Variants in EEA1 observed in about 807,000 individuals in gnomAD.
The protein encoded by EEA1 is early endosome antigen 1, 162kD.
In EEA1, 111 loss-of-function variants were observed where a neutral mutation model predicts 209.2. That is an observed-to-expected ratio of 0.53 (90% CI 0.45 to 0.62). The LOEUF (loss-of-function observed/expected upper bound fraction) is 0.62, where lower values mean the gene tolerates loss of function less well. EEA1 is among the 20% of genes least tolerant of loss of function. The pLI, the probability that EEA1 is intolerant of heterozygous loss-of-function variation, is 0.00. For missense variants in EEA1, 1,343 were observed against 1,530.8 expected, an observed-to-expected ratio of 0.88 and a Z score of 2.05; for synonymous variants, 536 against 540.6, an observed-to-expected ratio of 0.99 and a Z score of 0.12.
chr12:92,871,866 C>T (rs1034437304), intron 2 of EEA1, among the ~76,000 whole-genome samples: 5 of 152,094 alleles, frequency 3.3e-5, no homozygotes, highest in African/African-American at 1.2e-4. Context: ...GACCTATTAT[C>T]GGCAAGTTAG....
At position 92,825,419 on chromosome 12, in the gene EEA1, A is replaced by C. The variant is rs558678500; in HGVS notation, c.1524+747T>G. Among the ~76,000 whole-genome samples the C allele has an allele frequency of 1.6e-4, 24 of 151,380 alleles. 1 individual carries two copies. The South Asian group carries it at 4.8e-3, about 30-fold the overall frequency. On this transcript the variant is annotated intron_variant, in intron 13 of 28. Coordinates refer to ENST00000322349, the MANE Select transcript of EEA1 (RefSeq NM_003566.4). ...CAGTGAGCCGAGATAGCGCCACTGC[A>C]CTCCAGCTCCAGCCTGGGCGAAAGA...
intron 13 of EEA1, among the ~76,000 whole-genome samples, chr12:92,820,219 C>CT (rs1307835496): frequency 1.3e-5 from 2 of 152,132 alleles, no homozygotes; most frequent in African/African-American, 4.8e-5. Context: ...TGATTCCACT[C>CT]TAAATCACAT....
intron 1 of EEA1, among the ~76,000 whole-genome samples, chr12:92,924,772 G>A (rs556631542): frequency 3.0e-5 from 4 of 132,114 alleles, no homozygotes; most frequent in East Asian, 2.3e-4. Flanking sequence ...ATTTCTTAAC[G>A]TCTTCTTTAT....
chr12:92,883,463 C>G (rs150828242), intron 2 of EEA1, among the ~76,000 whole-genome samples: 120 of 152,188 alleles, frequency 7.9e-4, no homozygotes, highest in African/African-American at 2.8e-3. Flanking sequence ...CTTTTGAGGA[C>G]TTAGTTATAA....
intron 24 of EEA1, among the ~76,000 whole-genome samples, chr12:92,779,519 G>A (rs931565698): frequency 4.0e-5 from 6 of 151,674 alleles, no homozygotes; most frequent in East Asian, 1.9e-4. Context: ...AAATGTATAC[G>A]TTTTGATTAT....
chr12:92,833,562 G>A (rs1876763119), intron 10 of EEA1, among the ~76,000 whole-genome samples: 1 of 152,094 alleles, frequency 6.6e-6, no homozygotes, highest in African/African-American at 2.4e-5. Context: ...AACATTTTAA[G>A]TAAACATATT....
intron 18 of EEA1, among the ~76,000 whole-genome samples, chr12:92,808,658 A>G (rs1875332743): frequency 6.6e-6 from 1 of 152,078 alleles, no homozygotes; most frequent in African/African-American, 2.4e-5. Flanking sequence ...AAGGCTAACT[A>G]CTTTTGGGTA....
chr12:92,897,716 T>G (rs1592765367), intron 1 of EEA1, among the ~76,000 whole-genome samples: 1 of 152,274 alleles, frequency 6.6e-6, no homozygotes, highest in South Asian at 2.1e-4. Context: ...ATAGGAAGGC[T>G]GAGGCAGGAG....
At chr12:92,810,239 CTAAAT>C (rs938821946) in intron 17 of EEA1, among the ~76,000 whole-genome samples, 47 of 152,172 alleles carry the variant, frequency 3.1e-4, no homozygotes, top group African/African-American at 9.1e-4. Context: ...TTTGATGTAG[CTAAAT>C]TAATTATACA....
intron 1 of EEA1, among the ~76,000 whole-genome samples, chr12:92,924,162 C>CAACAA (rs1881120222): frequency 6.8e-6 from 1 of 147,216 alleles, no homozygotes; most frequent in South Asian, 2.1e-4. Flanking sequence ...CCAAAAACAA[C>CAACAA]AACAAAACAC....
chr12:92,900,417 G>GT (rs1880098181), intron 1 of EEA1, among the ~76,000 whole-genome samples: 1 of 149,060 alleles, frequency 6.7e-6, no homozygotes, highest in African/African-American at 2.5e-5. Flanking sequence ...TTTATCCAGA[G>GT]TATGTCTTTA....
At chr12:92,819,882 A>T (rs150534242) in intron 13 of EEA1, among the ~76,000 whole-genome samples, 2 of 152,174 alleles carry the variant, frequency 1.3e-5, no homozygotes, top group East Asian at 3.9e-4. Context: ...TTTTGCCTGG[A>T]ACTCTTCCCC....
chr12:92,783,109 A>G (rs1873981122), intron 22 of EEA1, among the ~76,000 whole-genome samples: 1 of 152,260 alleles, frequency 6.6e-6, no homozygotes. Flanking sequence ...AACTGAACCC[A>G]AAGAGGGTGT....
At chr12:92,868,542 A>G (rs1878499872) in intron 2 of EEA1, among the ~76,000 whole-genome samples, 1 of 152,224 alleles carries the variant, frequency 6.6e-6, no homozygotes, top group African/African-American at 2.4e-5. Flanking sequence ...CAGAAAGCTA[A>G]TGATCACACT....
chr12:92,804,965 A>T (rs1356250368), intron 18 of EEA1, among the ~76,000 whole-genome samples: 1 of 152,126 alleles, frequency 6.6e-6, no homozygotes, highest in Non-Finnish European at 1.5e-5. Context: ...GGCAAGAAAG[A>T]TCTTAAAGGT....
At chr12:92,778,330 C>A (rs918379022) in intron 25 of EEA1, 151 bp from the exon 26 acceptor site, 1 of 648,422 alleles carries the variant, frequency 1.5e-6, no homozygotes, top group Non-Finnish European at 2.6e-6. Flanking sequence ...AAAACTGATT[C>A]CACAAGCATC....
At chr12:92,867,779 A>T (rs914326295) in intron 2 of EEA1, among the ~76,000 whole-genome samples, 6 of 152,156 alleles carry the variant, frequency 3.9e-5, no homozygotes, top group Non-Finnish European at 7.4e-5. Flanking sequence ...GCAGCAGTTA[A>T]TACTTTACAA....
chr12:92,872,332 G>T (rs1220305574), intron 2 of EEA1, among the ~76,000 whole-genome samples: 1 of 151,828 alleles, frequency 6.6e-6, no homozygotes, highest in Non-Finnish European at 1.5e-5. Flanking sequence ...TACAGGCGTG[G>T]GCCACCACGC....
chr12:92,921,287 G>GT lies in EEA1; in HGVS notation c.24+7755_24+7756insA, dbSNP rs1454481904. Among the ~76,000 whole-genome samples the GT allele has an allele frequency of 2.2e-5, 3 of 136,452 alleles. No homozygotes were observed. The East Asian group carries it at 6.1e-4, about 28-fold the overall frequency. 89.5% of individuals were successfully genotyped at this position (136,452 alleles called of 152,430 possible). A position where few individuals can be genotyped will look rare whatever the true frequency, so the allele number is the denominator to read the frequency against. Reference sequence around the variant, plus strand: ...TGACTATAAATCATGCTGCTATAAAGACACATGCACACGTATGTTTATTGC... The same window carrying GT: ...TGACTATAAATCATGCTGCTATAAAGTACACATGCACACGTATGTTTATTGC... On this transcript the variant is annotated intron_variant, in intron 1 of 28. Transcript: ENST00000322349.
Sources: gnomAD v4.1 joint callset for allele counts (sites outside exome capture counted in the v4.1 genomes callset) on GRCh38, gnomAD v4.1.1 for gene constraint, MANE v1.5 for transcripts, NCBI Gene and HGNC (gene_info 2026-07-23, HGNC 2026-07-21) for gene names.